ZFAND3: variants seen among roughly 807,000 people sequenced by gnomAD.
The protein encoded by ZFAND3 is zinc finger AN1-type containing 3, also known as AN1-type zinc finger protein 3.
Under a neutral mutation model 29.6 loss-of-function variants are expected in ZFAND3, and 10 were observed. That is an observed-to-expected ratio of 0.34 (90% CI 0.21 to 0.57). ZFAND3 has a LOEUF of 0.57. Among genes scored for constraint, ZFAND3 ranks in the 20% least tolerant of loss-of-function variants. The probability of loss-of-function intolerance (pLI) is 0.86; values close to 1 mark genes in which losing one functional copy is unlikely to be tolerated. For missense variants in ZFAND3, 230 were observed against 304.5 expected (o/e 0.76, Z 1.82); for synonymous variants, 128 against 112.6 (o/e 1.14, Z -0.87).
chr6:37,880,523 C>G (rs925542147), intron 1 of ZFAND3, among the ~76,000 whole-genome samples: 3 of 152,008 alleles, frequency 2.0e-5, no homozygotes, highest in Non-Finnish European at 4.4e-5. Context: ...GAAAAGTCCT[C>G]CAGGATGAGA....
chr6:38,038,797 G>T (rs1280655071), intron 2 of ZFAND3, among the ~76,000 whole-genome samples: 2 of 152,068 alleles, frequency 1.3e-5, no homozygotes, highest in Non-Finnish European at 2.9e-5. Context: ...TAGATGCAAA[G>T]ATCTTTGAAA....
intron 3 of ZFAND3, among the ~76,000 whole-genome samples, chr6:38,071,879 T>G (rs1039131082): frequency 1.3e-5 from 2 of 152,190 alleles, no homozygotes; most frequent in African/African-American, 4.8e-5. Flanking sequence ...TTAGGAAAAG[T>G]TTTGTTTTTA....
chr6:37,831,431 A>G (rs1181447165), intron 1 of ZFAND3, among the ~76,000 whole-genome samples: 3 of 152,146 alleles, frequency 2.0e-5, no homozygotes, highest in African/African-American at 4.8e-5. Flanking sequence ...TAAGCACTCT[A>G]TTGTGTGTCT....
rs373030928 is a variant in ZFAND3 at position 38,094,121 on chromosome 6, G to T, written c.361+11664G>T. ...AACTAGGGAGTTTCTCCTAGAAAAGGTGGTCGCCGTGTTCTGATTAAAGGA... is the reference window on the plus strand; with the variant it reads ...AACTAGGGAGTTTCTCCTAGAAAAGTTGGTCGCCGTGTTCTGATTAAAGGA... On this transcript the variant is annotated intron_variant, in intron 4 of 5. Transcript: ENST00000287218. Among the ~76,000 whole-genome samples, 4 of 152,246 alleles carry T rather than the reference G, an allele frequency of 2.6e-5. No homozygotes were observed. In the East Asian group the frequency reaches 7.7e-4, roughly 29 times the overall value.
At chr6:38,000,624 C>G (rs913016703) in intron 2 of ZFAND3, among the ~76,000 whole-genome samples, 1 of 152,034 alleles carries the variant, frequency 6.6e-6, no homozygotes, top group African/African-American at 2.4e-5. Context: ...AAGACCTGCC[C>G]CCATGATTCA....
rs577446280 is a variant in ZFAND3, at chr6:38,054,024, A to C, written c.113-7569A>C. 3.1e-3 allele frequency among the ~76,000 whole-genome samples: 468 copies of C among 151,956 alleles called. 3 individuals are homozygous for C. Among genetic ancestry groups the C allele is most frequent in the African/African-American group, 0.011 (445 of 41,448 alleles). On this transcript the variant is annotated intron_variant, in intron 2 of 5. Transcript: ENST00000287218. ...CATAGGATAGGAGTCATTTATCATCATTAGGATATATACAGGTAGAGGTGT... is the reference window on the plus strand; with the variant it reads ...CATAGGATAGGAGTCATTTATCATCCTTAGGATATATACAGGTAGAGGTGT...
In ZFAND3 at chr6:38,006,844, A is replaced by C. The variant is rs148896948; in HGVS notation, c.113-54749A>C. ...TCCAGACTCATCCGAGAGGATCAGC[A>C]CAATTCCATTAGTAAATGAAGTCAC... On this transcript the variant is annotated intron_variant, in intron 2 of 5. Coordinates refer to ENST00000287218, the MANE Select transcript of ZFAND3 (RefSeq NM_021943.3). Among the ~76,000 whole-genome samples the C allele has an allele frequency of 1.5e-3, 230 of 152,156 alleles. 1 individual carries two copies. Among genetic ancestry groups the C allele is most frequent in the Middle Eastern group, 3.4e-3 (1 of 294 alleles).
At chr6:38,037,562 G>A (rs545998421) in intron 2 of ZFAND3, among the ~76,000 whole-genome samples, 1 of 152,204 alleles carries the variant, frequency 6.6e-6, no homozygotes, top group African/African-American at 2.4e-5. Context: ...TGATTGAAAA[G>A]CATCAGCTAA....
At chr6:38,131,757 G>A (rs923735241) in intron 5 of ZFAND3, among the ~76,000 whole-genome samples, 10 of 152,196 alleles carry the variant, frequency 6.6e-5, no homozygotes, top group African/African-American at 2.2e-4. Flanking sequence ...GGCCTGTAGT[G>A]GCTGCCCAGT....
chr6:38,144,192 T>TA (rs1468941625), intron 5 of ZFAND3, among the ~76,000 whole-genome samples: 6 of 40,812 alleles, frequency 1.5e-4, no homozygotes, highest in Non-Finnish European at 2.6e-4. Context: ...ATAATATATA[T>TA]ATATATATAT....
intron 5 of ZFAND3, among the ~76,000 whole-genome samples, chr6:38,119,267 G>A (rs1218075630): frequency 1.3e-5 from 2 of 152,130 alleles, no homozygotes; most frequent in African/African-American, 4.8e-5. Flanking sequence ...GAGTTGTACT[G>A]TTATTTCCTT....
At chr6:37,908,550 AAAAAAAAAAG>A (rs1765454356) in intron 1 of ZFAND3, among the ~76,000 whole-genome samples, 1 of 114,310 alleles carries the variant, frequency 8.7e-6, no homozygotes, top group African/African-American at 4.9e-5. Context: ...ATTAAAAAAA[AAAAAAAAAAG>A]AAAAAAAAGA....
intron 5 of ZFAND3, among the ~76,000 whole-genome samples, chr6:38,144,481 C>T (rs1202231262): frequency 6.6e-6 from 1 of 152,080 alleles, no homozygotes; most frequent in Non-Finnish European, 1.5e-5. Flanking sequence ...ATCTACCTGC[C>T]TGGGCCCCAT....
rs1763783577 is a variant in ZFAND3, at chr6:38,041,761, TCC to T, written c.113-19831_113-19830del. ...CTCCTCCTCCTCCTCCTCCTCCTCC[TCC>T]TCCTCCTCCTCCTCCTCCTCTTCTT... On this transcript the variant is annotated intron_variant, in intron 2 of 5. Coordinates refer to ENST00000287218, the MANE Select transcript of ZFAND3 (RefSeq NM_021943.3). Among the ~76,000 whole-genome samples, 22 of 2,312 alleles carry T rather than the reference TCC, an allele frequency of 9.5e-3. 8 individuals are homozygous for T. Among genetic ancestry groups the T allele is most frequent in the African/African-American group, 0.011 (21 of 1,956 alleles). 1.5% of individuals were successfully genotyped at this position (2,312 alleles called of 152,430 possible).
chr6:37,990,546 A>G (rs1762741398), intron 2 of ZFAND3, among the ~76,000 whole-genome samples: 1 of 152,208 alleles, frequency 6.6e-6, no homozygotes, highest in Non-Finnish European at 1.5e-5. Context: ...GCTGCTCAAT[A>G]AAAATATGTA....
chr6:37,843,636 T>C (rs999719385), intron 1 of ZFAND3, among the ~76,000 whole-genome samples: 4 of 152,230 alleles, frequency 2.6e-5, no homozygotes, highest in African/African-American at 4.8e-5. Flanking sequence ...TATTCCTGTT[T>C]AGAGACCAGT....
At chr6:37,988,680 A>C (rs750931856) in intron 2 of ZFAND3, among the ~76,000 whole-genome samples, 146 of 152,292 alleles carry the variant, frequency 9.6e-4, no homozygotes, top group Non-Finnish European at 1.5e-3. Context: ...ATTTGTCTTC[A>C]TAGTTCTTCT....
At chr6:38,121,125 G>T (rs1370966711) in intron 5 of ZFAND3, among the ~76,000 whole-genome samples, 5 of 152,198 alleles carry the variant, frequency 3.3e-5, no homozygotes, top group Non-Finnish European at 5.9e-5. Flanking sequence ...AGGCCAAGGT[G>T]GGGGAATCCC....
At chr6:38,071,447 G>A (rs1764452546) in intron 3 of ZFAND3, among the ~76,000 whole-genome samples, 1 of 151,860 alleles carries the variant, frequency 6.6e-6, no homozygotes, top group South Asian at 2.1e-4. Flanking sequence ...AACCAGTTAT[G>A]CAAAAACCAT....
Sources: gnomAD v4.1 joint callset for allele counts (sites outside exome capture counted in the v4.1 genomes callset) on GRCh38, gnomAD v4.1.1 for gene constraint, MANE v1.5 for transcripts, NCBI Gene and HGNC (gene_info 2026-07-23, HGNC 2026-07-21) for gene names.